Variants in YOD1 observed in about 807,000 individuals in gnomAD.
YOD1 encodes ubiquitin thioesterase OTU1.
YOD1 carries 17 observed loss-of-function variants against 23.7 expected under a neutral mutation model. That is an observed-to-expected ratio of 0.72 (90% CI 0.49 to 1.07). The LOEUF (loss-of-function observed/expected upper bound fraction) is 1.07. YOD1 is among the 50% of genes least tolerant of loss of function. YOD1 has a pLI of 0.00. For missense variants in YOD1, 413 were observed against 447.2 expected, an observed-to-expected ratio of 0.92 and a Z score of 0.69; for synonymous variants, 191 against 169.6, an observed-to-expected ratio of 1.13 and a Z score of -0.98.
At position 207,047,501 on chromosome 1, in the gene YOD1, T is replaced by C. The variant is rs922664975; in HGVS notation, c.*1519A>G. The C allele has an allele frequency of 6.6e-6, 1 of 152,630 alleles. No homozygotes were observed. Among genetic ancestry groups the C allele is most frequent in the African/African-American group, 2.4e-5 (1 of 41,472 alleles). 9.5% of individuals were successfully genotyped at this position (152,630 alleles called of 1,614,324 possible). ...AAGTGCTTTAAAGTATACCACTGAA[T>C]TTCTAAGTGAGATACTTAATAAAAA... On this transcript the variant is annotated 3_prime_UTR_variant, in exon 2 of 2. Transcript: ENST00000315927.
In YOD1 at chr1:207,050,846, C is replaced by G; in HGVS notation, c.185G>C (p.Gly62Ala). The G allele has an allele frequency of 3.7e-6, 6 of 1,612,920 alleles. No individual in the cohort carries two copies. The highest frequency in any genetic ancestry group is 5.1e-6 in the Non-Finnish European group (6 of 1,179,952). ...CCGCACCCGGGTCCGGCTGGACAGCCCCTGCAAAACATGGGTGCCGTCCTT... is the reference window on the plus strand; with the variant it reads ...CCGCACCCGGGTCCGGCTGGACAGCGCCTGCAAAACATGGGTGCCGTCCTT... The part of the protein sequence containing the change: ...KAKDGTHVLQ[G>A]LSSRTRVREL... The change falls in exon 1 of 2, where the codon GGG (glycine) becomes GCG (alanine). Residue 62 changes from glycine to alanine, a missense_variant. Transcript: ENST00000315927.
In YOD1 at chr1:207,043,988, T is replaced by TA. The variant is rs1246370239; in HGVS notation, c.*5031dup. On this transcript the variant is annotated 3_prime_UTR_variant, in exon 2 of 2. Coordinates refer to ENST00000315927, the MANE Select transcript of YOD1 (RefSeq NM_018566.4). ...ACATAAGAGTTGTAGAAAATGAAGT[T>TA]AGACATCTTCCAGGTAGCAGCAGTG... is the stretch of plus-strand genomic sequence containing the variant. The TA allele has an allele frequency of 6.6e-6, 1 of 152,584 alleles. No individual in the cohort carries two copies. Among genetic ancestry groups the TA allele is most frequent in the Non-Finnish European group, 1.5e-5 (1 of 67,992 alleles). 9.5% of individuals were successfully genotyped at this position (152,584 alleles called of 1,614,324 possible).
rs1682585243 is a variant in YOD1 at position 207,045,731 on chromosome 1, G to T, written c.*3289C>A. On this transcript the variant is annotated 3_prime_UTR_variant, in exon 2 of 2. Transcript: ENST00000315927. ...CCACGTTTTAATCCCTCCACAGAAG[G>T]AATAAACTAGAGAAGCAAGTTAGGC... 1 of 151,918 alleles carries T rather than the reference G, an allele frequency of 6.6e-6. No individual in the cohort carries two copies. Among genetic ancestry groups the T allele is most frequent in the African/African-American group, 2.4e-5 (1 of 41,370 alleles). The allele number at this position is 151,918 out of a possible 1,614,324, so 9.4% of individuals were successfully genotyped here. A position where few individuals can be genotyped will look rare whatever the true frequency, so the allele number is the denominator to read the frequency against.
rs1358679258 is a variant in YOD1 at position 207,044,763 on chromosome 1, G to C, written c.*4257C>G. 1.3e-5 allele frequency: 2 copies of C among 152,478 alleles called. No individual in the cohort carries two copies. The highest frequency in any genetic ancestry group is 2.9e-5 in the Non-Finnish European group (2 of 67,920). The allele number at this position is 152,478 out of a possible 1,614,324, so 9.4% of individuals were successfully genotyped here. A position where few individuals can be genotyped will look rare whatever the true frequency, so the allele number is the denominator to read the frequency against. On this transcript the variant is annotated 3_prime_UTR_variant, in exon 2 of 2. Coordinates refer to ENST00000315927, the MANE Select transcript of YOD1 (RefSeq NM_018566.4). ...AAAAGGGTAATTCATGACTAGGAAT[G>C]CATCTATTTGACAATCTCTTCTTTA...
rs1462158543 is a variant in YOD1 at position 207,046,485 on chromosome 1, A to C, written c.*2535T>G. The C allele has an allele frequency of 1.3e-5, 2 of 152,070 alleles. No homozygotes were observed. Among genetic ancestry groups the C allele is most frequent in the African/African-American group, 2.4e-5 (1 of 41,438 alleles). 9.4% of individuals were successfully genotyped at this position (152,070 alleles called of 1,614,324 possible). On this transcript the variant is annotated 3_prime_UTR_variant, in exon 2 of 2. Coordinates refer to ENST00000315927, the MANE Select transcript of YOD1 (RefSeq NM_018566.4). ...TTAGGTTTTTAATCCTCAATAATTA[A>C]ATCAGATGGTCCACAAATAAAGCTT...
At chr1:207,052,337 TAGGTAGGAGGGA>T (rs1356874084), upstream of YOD1, 3 of 1,006,448 alleles carry the variant, frequency 3.0e-6, no homozygotes, top group Non-Finnish European at 1.5e-6. Flanking sequence ...GGTTAGGGGG[TAGGTAGGAGGGA>T]AGGTAGGAGT....
At chr1:207,050,463 C>G (rs1360731565) in intron 1 of YOD1, among the ~76,000 whole-genome samples, 1 of 152,174 alleles carries the variant, frequency 6.6e-6, no homozygotes, top group East Asian at 1.9e-4. Flanking sequence ...GGAAGGGGGT[C>G]TTCAAGGCTT....
At position 207,044,002 on chromosome 1, in the gene YOD1, G is replaced by A. The variant is rs147109113; in HGVS notation, c.*5018C>T. The A allele has an allele frequency of 2.0e-5, 3 of 152,638 alleles. No individual in the cohort carries two copies. The highest frequency in any genetic ancestry group is 7.2e-5 in the African/African-American group (3 of 41,556). 9.5% of individuals were successfully genotyped at this position (152,638 alleles called of 1,614,324 possible). A position where few individuals can be genotyped will look rare whatever the true frequency, so the allele number is the denominator to read the frequency against. ...GAAAATGAAGTTAGACATCTTCCAG[G>A]TAGCAGCAGTGTATTACTTCAAAAA... On this transcript the variant is annotated 3_prime_UTR_variant, in exon 2 of 2. Coordinates refer to ENST00000315927, the MANE Select transcript of YOD1 (RefSeq NM_018566.4).
chr1:207,046,893 GTT>G lies in YOD1; in HGVS notation c.*2125_*2126del, dbSNP rs1312120439. 6.6e-6 allele frequency: 1 copy of G among 152,048 alleles called. No homozygotes were observed. Among genetic ancestry groups the G allele is most frequent in the Non-Finnish European group, 1.5e-5 (1 of 67,930 alleles). The allele number at this position is 152,048 out of a possible 1,614,324, so 9.4% of individuals were successfully genotyped here. ...AGTATAAATTACTCAATAAATATTT[GTT>G]GCACGAATAAACTTCTAGATCTAAA... On this transcript the variant is annotated 3_prime_UTR_variant, in exon 2 of 2. Coordinates refer to ENST00000315927, the MANE Select transcript of YOD1 (RefSeq NM_018566.4).
At position 207,049,236 on chromosome 1, in the gene YOD1, A is replaced by G. The variant is rs1198202152; in HGVS notation, c.831T>C (p.Asp277=). The G allele has an allele frequency of 6.2e-7, 1 of 1,614,160 alleles. No individual in the cohort carries two copies. Among genetic ancestry groups the G allele is most frequent in the Non-Finnish European group, 8.5e-7 (1 of 1,180,028 alleles). The change falls in exon 2 of 2, where the codon GAT becomes GAC. Residue 277 remains aspartate, a synonymous_variant. Transcript: ENST00000315927. ...AAATGGTCAGAGGAGGTGTATCTGG[A>G]TCAGGGAAGTTACGCTGAAGTGGAT... ...HYDPLQRNFP[D]PDTPPLTIFS... is the part of the protein sequence containing the mutation.
At position 207,046,997 on chromosome 1, in the gene YOD1, T is replaced by C. The variant is rs1419576761; in HGVS notation, c.*2023A>G. ...GGCAAGCTTTCTGAGTAATGATGCA[T>C]AAAGCTCAATTTGATAATTGTTATC... On this transcript the variant is annotated 3_prime_UTR_variant, in exon 2 of 2. Coordinates refer to ENST00000315927, the MANE Select transcript of YOD1 (RefSeq NM_018566.4). 1 of 152,258 alleles carries C rather than the reference T, an allele frequency of 6.6e-6. No homozygotes were observed. The highest frequency in any genetic ancestry group is 6.5e-5 in the Admixed American group (1 of 15,272). The allele number at this position is 152,258 out of a possible 1,614,324, so 9.4% of individuals were successfully genotyped here.
chr1:207,049,015 A>G lies in YOD1; in HGVS notation c.*5T>C, dbSNP rs573838232. 127 of 1,611,502 alleles carry G rather than the reference A, an allele frequency of 7.9e-5. 2 individuals are homozygous for G. The South Asian group carries it at 1.4e-3, about 17-fold the overall frequency. On this transcript the variant is annotated 3_prime_UTR_variant, in exon 2 of 2. Transcript: ENST00000315927. ...AGTAGGCTTCAACCCTCATTCATGC[A>G]TAGGTCACACTTCTCCAAAGTTGGT...
Position 207,048,587 on chromosome 1 carries a change from T to C in YOD1, c.*433A>G, listed in dbSNP as rs924067692. On this transcript the variant is annotated 3_prime_UTR_variant, in exon 2 of 2. Coordinates refer to ENST00000315927, the MANE Select transcript of YOD1 (RefSeq NM_018566.4). ...ACATTACCCAAAATGTGATGCTTTC[T>C]TCTACAAGTTAAAGCTGCTGGGTGC... 1 of 160,620 alleles carries C rather than the reference T, an allele frequency of 6.2e-6. No individual in the cohort carries two copies. The highest frequency in any genetic ancestry group is 2.4e-5 in the African/African-American group (1 of 41,556). The allele number at this position is 160,620 out of a possible 1,614,324, so 9.9% of individuals were successfully genotyped here.
Position 207,051,188 on chromosome 1 carries a change from C to T in YOD1, c.-158G>A. 7.3e-7 allele frequency: 1 copy of T among 1,366,976 alleles called. No individual in the cohort carries two copies. Among genetic ancestry groups the T allele is most frequent in the South Asian group, 1.6e-5 (1 of 61,156 alleles). The allele number at this position is 1,366,976 out of a possible 1,614,324, so 84.7% of individuals were successfully genotyped here. A position where few individuals can be genotyped will look rare whatever the true frequency, so the allele number is the denominator to read the frequency against. ...TCCGTATTCCTAAAGGACAACGGGT[C>T]TTGCTACCTATAGAGCGAGTGAGGT... On this transcript the variant is annotated 5_prime_UTR_variant, in exon 1 of 2. Transcript: ENST00000315927.
chr1:207,051,014 T>G lies in YOD1; in HGVS notation c.17A>C (p.Lys6Thr). MFGPA[K>T]GRHFGVHPAP... ...CGGGTGGACTCCAAAATGGCGACCTTTAGCGGGGCCAAACATCGCGAGAAG... is the reference window on the plus strand; with the variant it reads ...CGGGTGGACTCCAAAATGGCGACCTGTAGCGGGGCCAAACATCGCGAGAAG... The change falls in exon 1 of 2, where the codon AAA (lysine) becomes ACA (threonine). Residue 6 changes from lysine to threonine, a missense_variant. Lys to Thr is a moderately conservative substitution (Grantham distance 78, BLOSUM62 -1). Coordinates refer to ENST00000315927, the MANE Select transcript of YOD1 (RefSeq NM_018566.4). The G allele has an allele frequency of 5.3e-6, 8 of 1,514,130 alleles. No homozygotes were observed. The highest frequency in any genetic ancestry group is 7.1e-6 in the Non-Finnish European group (8 of 1,130,878). The allele number at this position is 1,514,130 out of a possible 1,614,324, so 93.8% of individuals were successfully genotyped here.
rs904079622 is a variant in YOD1 at position 207,051,117 on chromosome 1, A to T, written c.-87T>A. 5.6e-6 allele frequency: 8 copies of T among 1,426,388 alleles called. No homozygotes were observed. The Admixed American group carries it at 1.5e-4, about 26-fold the overall frequency. 88.4% of individuals were successfully genotyped at this position (1,426,388 alleles called of 1,614,324 possible). A position where few individuals can be genotyped will look rare whatever the true frequency, so the allele number is the denominator to read the frequency against. The stretch of plus-strand genomic sequence containing the variant: ...CCTTAGCAAGCGCGAACTCTTTTAA[A>T]GTGACAACTGATTTTTCCCCCACCC... On this transcript the variant is annotated 5_prime_UTR_variant, in exon 1 of 2. Transcript: ENST00000315927.
chr1:207,049,734 T>A lies in YOD1; in HGVS notation c.344-11A>T. On this transcript the variant is annotated splice_polypyrimidine_tract_variant and intron_variant, in intron 1 of 1. Coordinates refer to ENST00000315927, the MANE Select transcript of YOD1 (RefSeq NM_018566.4). ...TGATCAGCATGTCACCTGTTAAAAA[T>A]AAAACAAATCCCGATCTGCAAAGAA... 1 of 1,599,350 alleles carries A rather than the reference T, an allele frequency of 6.3e-7. No individual in the cohort carries two copies. The highest frequency in any genetic ancestry group is 8.5e-7 in the Non-Finnish European group (1 of 1,173,376).
In YOD1 at chr1:207,045,816, T is replaced by G. The variant is rs1239292644; in HGVS notation, c.*3204A>C. On this transcript the variant is annotated 3_prime_UTR_variant, in exon 2 of 2. Coordinates refer to ENST00000315927, the MANE Select transcript of YOD1 (RefSeq NM_018566.4). ...TAACATAATGTTAGTTAATTCCTCA[T>G]TATTATTTTGCTGGGACTTCATGGA... The G allele has an allele frequency of 6.6e-6, 1 of 150,716 alleles. No homozygotes were observed. The highest frequency in any genetic ancestry group is 2.5e-5 in the African/African-American group (1 of 40,178). 9.3% of individuals were successfully genotyped at this position (150,716 alleles called of 1,614,324 possible).
chr1:207,052,190 C>T (rs1682769063), upstream of YOD1: 1 of 1,612,600 alleles, frequency 6.2e-7, no homozygotes, highest in Non-Finnish European at 8.5e-7. Flanking sequence ...CTCACCTCCA[C>T]TGTAAAAGAC....
Sources: allele counts gnomAD v4.1 joint callset (sites outside exome capture counted in the v4.1 genomes callset), GRCh38; gene constraint gnomAD v4.1.1; transcripts MANE v1.5; gene names NCBI Gene and HGNC (gene_info 2026-07-23, HGNC 2026-07-21).